SIN3A: variants seen among roughly 807,000 people sequenced by gnomAD.
SIN3A encodes the protein SIN3 transcription regulator family member A, also known as paired amphipathic helix protein Sin3a.
SIN3A carries 14 observed loss-of-function variants against 146.1 expected under a neutral mutation model. The ratio of observed to expected loss-of-function variants is 0.10; its 90% confidence interval spans 0.06 to 0.15. The LOEUF (loss-of-function observed/expected upper bound fraction) is 0.15, where lower values mean the gene tolerates loss of function less well. SIN3A is among the 10% of genes least tolerant of loss of function. The pLI is 1.00. For synonymous variants in SIN3A, 572 were observed against 572.0 expected, an observed-to-expected ratio of 1.00 and a Z score of 0.00; for missense variants, 1,028 against 1,576.0, an observed-to-expected ratio of 0.65 and a Z score of 5.89.
chr15:75,418,458 T>C (rs938708720), intron 3 of SIN3A, among the ~76,000 whole-genome samples: 4 of 152,084 alleles, frequency 2.6e-5, no homozygotes, highest in Admixed American at 6.6e-5. Context: ...CCAGAGTAAC[T>C]GGGATTACAG....
rs762823769 is a variant in SIN3A, at chr15:75,384,327, G to A, written c.3132C>T (p.Ser1044=). 8 of 1,613,226 alleles carry A rather than the reference G, an allele frequency of 5.0e-6. No homozygotes were observed. The Admixed American group carries it at 1.3e-4, about 27-fold the overall frequency. ...GGQLNTQNSR[S]LLESTYQRKA... is the part of the protein sequence containing the mutation. ...TCCGCTGATACGTTGACTCCAGGAG[G>A]CTCCTTGAGTTCTGTGTGTTCAGCT... Residue 1044 remains serine (S), a synonymous_variant, in exon 17 of 21, where the codon AGC becomes AGT. Coordinates refer to ENST00000394947, the MANE Select transcript of SIN3A (RefSeq NM_001145358.2).
intron 17 of SIN3A, among the ~76,000 whole-genome samples, chr15:75,383,384 C>G (rs896789032): frequency 4.7e-4 from 72 of 151,810 alleles, no homozygotes; most frequent in Non-Finnish European, 8.4e-4. Flanking sequence ...ATGATAATTT[C>G]AGGAAAGAAT....
intron 16 of SIN3A, among the ~76,000 whole-genome samples, chr15:75,386,215 A>T (rs56319935): frequency 0.018 from 2,782 of 152,184 alleles, 39 homozygotes; most frequent in Middle Eastern, 0.051. Flanking sequence ...TTCAGAAGAG[A>T]CGGGGTTTTG....
chr15:75,396,953 C>T (rs1006177933), intron 12 of SIN3A, among the ~76,000 whole-genome samples: 15 of 152,074 alleles, frequency 9.9e-5, no homozygotes, highest in African/African-American at 3.4e-4. Context: ...CCCAAAAGAC[C>T]GCTTTGTCTT....
intron 1 of SIN3A, among the ~76,000 whole-genome samples, chr15:75,445,994 T>C (rs543910104): frequency 6.6e-6 from 1 of 152,272 alleles, no homozygotes; most frequent in Non-Finnish European, 1.5e-5. Flanking sequence ...AACCAAATCA[T>C]TCATTCATGT....
At chr15:75,398,534 C>T (rs1400269222) in intron 12 of SIN3A, among the ~76,000 whole-genome samples, 2 of 151,672 alleles carry the variant, frequency 1.3e-5, no homozygotes, top group Non-Finnish European at 2.9e-5. Context: ...AAAAATTAGC[C>T]GGGTGTAGCG....
chr15:75,404,165 G>A (rs374411200), intron 9 of SIN3A, among the ~76,000 whole-genome samples: 5 of 152,108 alleles, frequency 3.3e-5, no homozygotes, highest in South Asian at 4.1e-4. Context: ...CCAGACTTCC[G>A]TATGCTTTTC....
At chr15:75,418,560 T>C (rs1419297064) in intron 3 of SIN3A, among the ~76,000 whole-genome samples, 1 of 152,122 alleles carries the variant, frequency 6.6e-6, no homozygotes, top group Non-Finnish European at 1.5e-5. Flanking sequence ...CTTCAAATGA[T>C]CTGCCCTCCT....
chr15:75,428,558 G>A (rs910878250), intron 2 of SIN3A, among the ~76,000 whole-genome samples: 9 of 151,924 alleles, frequency 5.9e-5, no homozygotes, highest in African/African-American at 1.9e-4. Flanking sequence ...CCCACGCTGG[G>A]TGCGGAAGCA....
intron 17 of SIN3A, 85 bp from the exon 18 acceptor site, chr15:75,381,790 AAT>A: frequency 8.6e-7 from 1 of 1,157,424 alleles, no homozygotes; most frequent in South Asian, 1.3e-5. Context: ...GTGCAGAGGC[AAT>A]AAACTTAGTA....
chr15:75,419,068 G>A (rs1242475512), intron 3 of SIN3A: 1 of 152,050 alleles, frequency 6.6e-6, no homozygotes, highest in Non-Finnish European at 1.5e-5. Flanking sequence ...CGAGACAAAT[G>A]GCTGTTTAAG....
At chr15:75,391,062 A>T (rs1407592126) in intron 15 of SIN3A, among the ~76,000 whole-genome samples, 1 of 152,258 alleles carries the variant, frequency 6.6e-6, no homozygotes, top group Non-Finnish European at 1.5e-5. Context: ...AAAACAGGAC[A>T]AATACTGTTT....
chr15:75,445,737 TG>T, intron 1 of SIN3A, among the ~76,000 whole-genome samples: 1 of 130,946 alleles, frequency 7.6e-6, no homozygotes, highest in African/African-American at 2.9e-5. Flanking sequence ...GGCAACACAG[TG>T]AGACCTTGTC....
chr15:75,452,210 G>A (rs1168123208), upstream of SIN3A, among the ~76,000 whole-genome samples: 1 of 152,242 alleles, frequency 6.6e-6, no homozygotes, highest in African/African-American at 2.4e-5. Context: ...TGGATATCTT[G>A]GCGCTGGTAG....
chr15:75,418,832 G>A (rs370584705), intron 3 of SIN3A, among the ~76,000 whole-genome samples: 2 of 151,554 alleles, frequency 1.3e-5, no homozygotes, highest in Non-Finnish European at 1.5e-5. Context: ...CCGGCTCACC[G>A]CAAGCTCTGC....
At position 75,371,396 on chromosome 15, in the gene SIN3A, T is replaced by C. The variant is rs1360380504; in HGVS notation, c.*583A>G. 6.6e-6 allele frequency: 1 copy of C among 151,938 alleles called. No homozygotes were observed. The allele number at this position is 151,938 out of a possible 1,614,324, so 9.4% of individuals were successfully genotyped here. On this transcript the variant is annotated 3_prime_UTR_variant, in exon 21 of 21. Transcript: ENST00000394947. ...AGCAAGGGAATCGTCAGGAATAAAA[T>C]CCACAAGATGATCAATCCCAAAGCC...
chr15:75,410,295 T>A lies in SIN3A; in HGVS notation c.1009-9A>T, dbSNP rs759972441. 6.2e-7 allele frequency: 1 copy of A among 1,609,484 alleles called. No individual in the cohort carries two copies. Among genetic ancestry groups the A allele is most frequent in the South Asian group, 1.1e-5 (1 of 89,880 alleles). On this transcript the variant is annotated splice_polypyrimidine_tract_variant and intron_variant, in intron 6 of 20. Coordinates refer to ENST00000394947, the MANE Select transcript of SIN3A (RefSeq NM_001145358.2). ...GCATTTCTCTGCTCTTTCTGAGGAA[T>A]TGCAAATGAAAAGAGATCATTTGGG...
At chr15:75,378,239 G>GTA (rs1397754488) in intron 19 of SIN3A, among the ~76,000 whole-genome samples, 1 of 152,200 alleles carries the variant, frequency 6.6e-6, no homozygotes, top group African/African-American at 2.4e-5. Context: ...GCCCACTGAT[G>GTA]TATAAATTGA....
chr15:75,440,542 A>T (rs2074189404), intron 1 of SIN3A, among the ~76,000 whole-genome samples: 1 of 152,112 alleles, frequency 6.6e-6, no homozygotes, highest in African/African-American at 2.4e-5. Context: ...TTAAGTAGCA[A>T]ATCTAAATTT....
Sources: gnomAD v4.1 joint callset for allele counts (sites outside exome capture counted in the v4.1 genomes callset) on GRCh38, gnomAD v4.1.1 for gene constraint, MANE v1.5 for transcripts, NCBI Gene and HGNC (gene_info 2026-07-23, HGNC 2026-07-21) for gene names.